LTBP1: variants seen among roughly 807,000 people sequenced by gnomAD.
LTBP1 encodes latent-transforming growth factor beta-binding protein 1.
Under a neutral mutation model 207.6 loss-of-function variants are expected in LTBP1, and 129 were observed. The observed-to-expected ratio is 0.62, with a 90% confidence interval of 0.54 to 0.72. The LOEUF is 0.72. LTBP1 is among the 30% of genes least tolerant of loss of function. LTBP1 has a pLI of 0.00. For missense variants in LTBP1, 2,281 were observed against 2,217.2 expected (o/e 1.03, Z -0.58); for synonymous variants, 963 against 833.7 (o/e 1.16, Z -2.67).
intron 3 of LTBP1, among the ~76,000 whole-genome samples, chr2:33,071,200 G>T (rs920841439): frequency 6.6e-6 from 1 of 152,154 alleles, no homozygotes; most frequent in Non-Finnish European, 1.5e-5. Context: ...GCTTACTCAC[G>T]TGGCTTTGGG....
chr2:33,032,313 G>C (rs1404782198), intron 3 of LTBP1, among the ~76,000 whole-genome samples: 1 of 152,138 alleles, frequency 6.6e-6, no homozygotes, highest in Non-Finnish European at 1.5e-5. Context: ...ATGCTCTGTA[G>C]AATAATCAAG....
intron 9 of LTBP1, among the ~76,000 whole-genome samples, chr2:33,228,777 G>A (rs142314688): frequency 0.026 from 3,686 of 140,078 alleles, 178 homozygotes; most frequent in African/African-American, 0.094. Flanking sequence ...TCGGCTCACT[G>A]CAATCTCCGC....
intron 13 of LTBP1, among the ~76,000 whole-genome samples, chr2:33,260,606 C>G (rs1318309955): frequency 2.0e-5 from 3 of 152,094 alleles, no homozygotes; most frequent in African/African-American, 4.8e-5. Flanking sequence ...AAGAGACTTA[C>G]AATTTTGGAG....
At position 33,134,208 on chromosome 2, in the gene LTBP1, G is replaced by T. The variant is rs1311056155; in HGVS notation, c.1034-585G>T. ...GCCCTGGAGTTGTGAAAAAGAAATGGGCTCCCGCAGCTGCGTCACAGCATT... is the reference window on the plus strand; with the variant it reads ...GCCCTGGAGTTGTGAAAAAGAAATGTGCTCCCGCAGCTGCGTCACAGCATT... On this transcript the variant is annotated intron_variant, in intron 4 of 33. Transcript: ENST00000404816. The surrounding 1 kb of genome is among the most constrained non-coding windows in gnomAD (Gnocchi z 4.4). 6.6e-6 allele frequency among the ~76,000 whole-genome samples: 1 copy of T among 152,154 alleles called. No individual in the cohort carries two copies. Among genetic ancestry groups the T allele is most frequent in the Non-Finnish European group, 1.5e-5 (1 of 68,036 alleles).
At chr2:33,181,670 A>C (rs979806920) in intron 5 of LTBP1, among the ~76,000 whole-genome samples, 2 of 152,352 alleles carry the variant, frequency 1.3e-5, no homozygotes, top group African/African-American at 4.8e-5. Flanking sequence ...AGGTTATGGA[A>C]TGTCTCAGCC....
At position 32,994,670 on chromosome 2, in the gene LTBP1, T is replaced by A. The variant is rs1330933523; in HGVS notation, c.566-26239T>A. 2.6e-5 allele frequency among the ~76,000 whole-genome samples: 4 copies of A among 152,144 alleles called. No homozygotes were observed. In the East Asian group the frequency reaches 7.7e-4, roughly 29 times the overall value. On this transcript the variant is annotated intron_variant, in intron 2 of 33. Transcript: ENST00000404816. ...TTAATAGAGACGGGGTTTCTCCATGTTGATCAGGCTGTTCTCGAACTCCTG... is the reference window on the plus strand; with the variant it reads ...TTAATAGAGACGGGGTTTCTCCATGATGATCAGGCTGTTCTCGAACTCCTG...
At chr2:33,132,322 G>GT (rs1178270735) in intron 4 of LTBP1, among the ~76,000 whole-genome samples, 10 of 151,650 alleles carry the variant, frequency 6.6e-5, no homozygotes, top group South Asian at 2.1e-4. Flanking sequence ...GGATTCTGTT[G>GT]TTTTTTTTGA....
chr2:33,072,810 T>C (rs1239313063), intron 3 of LTBP1, among the ~76,000 whole-genome samples: 3 of 152,198 alleles, frequency 2.0e-5, no homozygotes, highest in South Asian at 2.1e-4. Flanking sequence ...GAAAAAGTTA[T>C]GGAAAAGCAT....
At chr2:33,201,835 G>T (rs1216037881) in intron 7 of LTBP1, among the ~76,000 whole-genome samples, 4 of 152,080 alleles carry the variant, frequency 2.6e-5, no homozygotes, top group Admixed American at 2.6e-4. Flanking sequence ...GGGCAAAATT[G>T]GGTTAAAGTG....
chr2:33,390,089 T>TA (rs1300323741), intron 32 of LTBP1, among the ~76,000 whole-genome samples: 2 of 152,234 alleles, frequency 1.3e-5, no homozygotes, highest in Non-Finnish European at 2.9e-5. Flanking sequence ...TGATCATTAT[T>TA]ATAAGTGTTT....
chr2:33,146,581 C>T (rs972000393), intron 5 of LTBP1, among the ~76,000 whole-genome samples: 1 of 152,130 alleles, frequency 6.6e-6, no homozygotes, highest in East Asian at 1.9e-4. Flanking sequence ...TTAAAAACTA[C>T]CTGAGACTGG....
chr2:33,252,764 A>G lies in LTBP1; in HGVS notation c.2087A>G (p.His696Arg). The G allele has an allele frequency of 6.2e-7, 1 of 1,613,926 alleles. No homozygotes were observed. The highest frequency in any genetic ancestry group is 8.5e-7 in the Non-Finnish European group (1 of 1,179,916). The stretch of plus-strand genomic sequence containing the variant: ...CAGTGTATGCACCCTCTGTCTGTTC[A>G]CCTCACCAAGCAGCTCTGCTGTTGT... Reference protein sequence around the residue: ...GRQCMHPLSVHLTKQLCCCSV... With the variant: ...GRQCMHPLSVRLTKQLCCCSV... Residue 696 changes from histidine to arginine, a missense_variant, in exon 11 of 34, where the codon CAC becomes CGC. By Grantham distance (29) the His-to-Arg change is conservative. Around this residue, in one of 3 missense-constraint regions of LTBP1, gnomAD observed 1,671 missense variants for 1,634.8 expected, o/e 1.02. Transcript: ENST00000404816.
chr2:33,127,665 CAAAGGAAGGTGGGA>C (rs2081516066), intron 4 of LTBP1, among the ~76,000 whole-genome samples: 2 of 151,986 alleles, frequency 1.3e-5, no homozygotes, highest in Non-Finnish European at 2.9e-5. Flanking sequence ...TGACTGAGGC[CAAAGGAAGGTGGGA>C]AAAGTGGAGA....
chr2:33,004,603 GTC>G (rs1686507967), intron 2 of LTBP1, among the ~76,000 whole-genome samples: 1 of 150,952 alleles, frequency 6.6e-6, no homozygotes, highest in Admixed American at 6.6e-5. Flanking sequence ...GTGAAATCCT[GTC>G]TCTACTAAAA....
At chr2:33,254,549 GT>G (rs531576154) in intron 11 of LTBP1, among the ~76,000 whole-genome samples, 2,114 of 95,514 alleles carry the variant, frequency 0.022, 47 homozygotes, top group African/African-American at 0.061. Flanking sequence ...TTTAAACTTG[GT>G]TTTTTTTTTT....
Position 33,334,927 on chromosome 2 carries a change from A to G in LTBP1, c.3731-7911A>G, listed in dbSNP as rs2094537983. 4.0e-5 allele frequency among the ~76,000 whole-genome samples: 6 copies of G among 151,818 alleles called. No individual in the cohort carries two copies. The South Asian group carries it at 1.2e-3, about 32-fold the overall frequency. ...CTACTAAAAATTAAAAAAAAAAAAA[A>G]AAAATGCCAGGCATGGCAGCATACA... On this transcript the variant is annotated intron_variant, in intron 24 of 33. Coordinates refer to ENST00000404816, the MANE Select transcript of LTBP1 (RefSeq NM_206943.4).
intron 32 of LTBP1, among the ~76,000 whole-genome samples, chr2:33,392,085 C>T (rs927339254): frequency 7.9e-5 from 12 of 152,180 alleles, no homozygotes; most frequent in African/African-American, 2.7e-4. Flanking sequence ...TTATGGTTCA[C>T]CATCTCTGTT....
At chr2:33,077,365 A>G (rs2078138632) in intron 3 of LTBP1, among the ~76,000 whole-genome samples, 1 of 152,200 alleles carries the variant, frequency 6.6e-6, no homozygotes, top group Non-Finnish European at 1.5e-5. Context: ...AGACTGGGTA[A>G]TTTACAAAGA....
At chr2:32,972,333 T>C (rs1446063214) in intron 2 of LTBP1, among the ~76,000 whole-genome samples, 1 of 152,092 alleles carries the variant, frequency 6.6e-6, no homozygotes, top group African/African-American at 2.4e-5. Context: ...TCCTGTCTTC[T>C]GCTAGCTTTG....
Sources: allele counts gnomAD v4.1 joint callset (sites outside exome capture counted in the v4.1 genomes callset), GRCh38; gene constraint gnomAD v4.1.1; regional missense constraint gnomAD v4.1.1; non-coding constraint Gnocchi (gnomAD v3.1); transcripts MANE v1.5; gene names NCBI Gene and HGNC (gene_info 2026-07-23, HGNC 2026-07-21).